SUPT3H: variants seen among roughly 807,000 people sequenced by gnomAD.
The protein encoded by SUPT3H is SPT3 homolog, SAGA and STAGA complex component, also known as transcription initiation protein SPT3 homolog.
A neutral mutation model predicts 44.3 loss-of-function variants in SUPT3H; 44 were observed. That is an observed-to-expected ratio of 0.99 (90% CI 0.78 to 1.28). The LOEUF (loss-of-function observed/expected upper bound fraction) is 1.28. Among genes scored for constraint, SUPT3H ranks in the 50% most tolerant of loss-of-function variants. The probability of loss-of-function intolerance (pLI) is 0.00; values close to 1 mark genes in which losing one functional copy is unlikely to be tolerated. For missense variants in SUPT3H, 380 were observed against 387.1 expected, an observed-to-expected ratio of 0.98 and a Z score of 0.15; for synonymous variants, 124 against 125.6, an observed-to-expected ratio of 0.99 and a Z score of 0.09.
In SUPT3H at chr6:44,900,995, G is replaced by A. The variant is rs150857648; in HGVS notation, c.912+31658C>T. On this transcript the variant is annotated intron_variant, in intron 10 of 10. Coordinates refer to ENST00000371459, the MANE Select transcript of SUPT3H (RefSeq NM_003599.4). ...TAGAAGGAAAACTAACAAACAGAAG[G>A]AACATCCACACCAAAACCCCATCTA... 1.0e-2 allele frequency among the ~76,000 whole-genome samples: 1,516 copies of A among 152,220 alleles called. 11 individuals are homozygous for A. Among genetic ancestry groups the A allele is most frequent in the Non-Finnish European group, 0.016 (1,103 of 68,012 alleles).
chr6:45,160,075 T>C (rs1179262276), intron 2 of SUPT3H, among the ~76,000 whole-genome samples: 7 of 152,198 alleles, frequency 4.6e-5, no homozygotes, highest in East Asian at 1.9e-4. Context: ...GAAGAACTAA[T>C]ATAAAGCATA....
rs565552245 is a variant in SUPT3H at position 45,273,147 on chromosome 6, G to T, written c.101+92054C>A. Among the ~76,000 whole-genome samples, 17 of 152,278 alleles carry T rather than the reference G, an allele frequency of 1.1e-4. 1 individual carries two copies. In the South Asian group the frequency reaches 3.5e-3, roughly 32 times the overall value. On this transcript the variant is annotated intron_variant, in intron 2 of 10. Coordinates refer to ENST00000371459, the MANE Select transcript of SUPT3H (RefSeq NM_003599.4). ...TTGCTCAACTTTAATTTTTCAGTCA[G>T]AATTGTATAAGGTGAACCAATTGAG...
intron 10 of SUPT3H, among the ~76,000 whole-genome samples, chr6:44,868,365 C>T (rs1211542831): frequency 6.6e-6 from 1 of 152,142 alleles, no homozygotes; most frequent in Admixed American, 6.5e-5. Context: ...GTTTTTCTTG[C>T]CCCAATAATT....
chr6:45,080,087 C>T (rs1795583346), intron 3 of SUPT3H, among the ~76,000 whole-genome samples: 1 of 152,052 alleles, frequency 6.6e-6, no homozygotes, highest in Non-Finnish European at 1.5e-5. Flanking sequence ...ATAAGGAGCT[C>T]AAACAATTCA....
chr6:45,043,538 T>A (rs1043783159), intron 3 of SUPT3H, among the ~76,000 whole-genome samples: 1 of 152,192 alleles, frequency 6.6e-6, no homozygotes, highest in Non-Finnish European at 1.5e-5. Context: ...AATCCCTTCA[T>A]GACATAAATT....
chr6:44,983,553 T>TA (rs1779384669), intron 6 of SUPT3H, among the ~76,000 whole-genome samples: 2 of 152,198 alleles, frequency 1.3e-5, no homozygotes, highest in African/African-American at 4.8e-5. Context: ...TCAGGCTTGG[T>TA]ATGCTTATGA....
chr6:45,211,449 T>C (rs976982688), intron 2 of SUPT3H, among the ~76,000 whole-genome samples: 3 of 152,134 alleles, frequency 2.0e-5, no homozygotes, highest in Non-Finnish European at 4.4e-5. Flanking sequence ...TAAAAATCAA[T>C]AAAAATGATT....
chr6:44,955,788 C>T (rs1056103848), intron 7 of SUPT3H, among the ~76,000 whole-genome samples: 21 of 152,032 alleles, frequency 1.4e-4, no homozygotes, highest in Admixed American at 1.0e-3. Context: ...ACACACTGCT[C>T]GGGTGATGGG....
At chr6:44,893,442 T>A (rs1381270420) in intron 10 of SUPT3H, among the ~76,000 whole-genome samples, 1 of 152,060 alleles carries the variant, frequency 6.6e-6, no homozygotes, top group Non-Finnish European at 1.5e-5. Flanking sequence ...GTGTTCTCAT[T>A]GTTCAATTCC....
At chr6:45,281,922 C>A (rs1330219959) in intron 2 of SUPT3H, among the ~76,000 whole-genome samples, 1 of 152,214 alleles carries the variant, frequency 6.6e-6, no homozygotes, top group African/African-American at 2.4e-5. Context: ...ACAACATTTG[C>A]TGCTCACCAA....
chr6:45,328,600 C>T (rs1394278928), intron 2 of SUPT3H: 4 of 1,602,590 alleles, frequency 2.5e-6, no homozygotes, highest in Non-Finnish European at 3.4e-6. Flanking sequence ...AATATAAAGT[C>T]TATGTACTCC....
At chr6:44,833,416 C>A (rs1769230543) in intron 10 of SUPT3H, among the ~76,000 whole-genome samples, 1 of 152,116 alleles carries the variant, frequency 6.6e-6, no homozygotes, top group South Asian at 2.1e-4. Flanking sequence ...CACTAAACTT[C>A]CAGTTTCACA....
rs145376918 is a variant in SUPT3H, at chr6:44,848,320, C to T, written c.913-18463G>A. 5.5e-3 allele frequency among the ~76,000 whole-genome samples: 837 copies of T among 152,198 alleles called. 12 individuals carry two copies. Among genetic ancestry groups the T allele is most frequent in the African/African-American group, 0.018 (764 of 41,512 alleles). On this transcript the variant is annotated intron_variant, in intron 10 of 10. Coordinates refer to ENST00000371459, the MANE Select transcript of SUPT3H (RefSeq NM_003599.4). ...AGGTCTTTTATTGATTTCTCTAGCA[C>T]GGTGACTTTTCTCAACACTGGCTGG... is the stretch of plus-strand genomic sequence containing the variant.
In SUPT3H at chr6:45,302,434, T is replaced by C. The variant is rs1000605188; in HGVS notation, c.101+62767A>G. 2.0e-5 allele frequency among the ~76,000 whole-genome samples: 3 copies of C among 148,704 alleles called. No individual in the cohort carries two copies. The Admixed American group carries it at 2.0e-4, about 10-fold the overall frequency. ...TCCAGGTGCTGTGAATGCCATTAGT[T>C]CCTTTTTATGGCTGAGTAGTATTCC... On this transcript the variant is annotated intron_variant, in intron 2 of 10. Transcript: ENST00000371459.
intron 2 of SUPT3H, among the ~76,000 whole-genome samples, chr6:45,160,537 G>C (rs1273836140): frequency 6.6e-6 from 1 of 151,968 alleles, no homozygotes; most frequent in African/African-American, 2.4e-5. Flanking sequence ...TATTGTTTTA[G>C]CTGGGAAAAA....
intron 2 of SUPT3H, among the ~76,000 whole-genome samples, chr6:45,228,207 AC>A (rs1767286645): frequency 6.6e-6 from 1 of 152,220 alleles, no homozygotes; most frequent in East Asian, 1.9e-4. Flanking sequence ...GCCAAAGGGC[AC>A]CCCAATATCT....
chr6:44,934,164 C>A (rs1012817465), intron 9 of SUPT3H, among the ~76,000 whole-genome samples: 24 of 151,926 alleles, frequency 1.6e-4, no homozygotes, highest in African/African-American at 5.8e-4. Flanking sequence ...ACTCATAATT[C>A]TTTGTAGGGA....
At chr6:44,973,304 C>T (rs1032352386) in intron 6 of SUPT3H, among the ~76,000 whole-genome samples, 5 of 152,178 alleles carry the variant, frequency 3.3e-5, no homozygotes, top group Admixed American at 6.5e-5. Context: ...GGAAAAAATG[C>T]TGCCAGTCTC....
intron 9 of SUPT3H, among the ~76,000 whole-genome samples, chr6:44,951,406 A>G (rs1233526935): frequency 1.3e-5 from 2 of 152,064 alleles, no homozygotes; most frequent in African/African-American, 2.4e-5. Flanking sequence ...TTTGGACTCA[A>G]TTTGGTATAG....
Sources: gnomAD v4.1 joint callset for allele counts (sites outside exome capture counted in the v4.1 genomes callset) on GRCh38, gnomAD v4.1.1 for gene constraint, MANE v1.5 for transcripts, NCBI Gene and HGNC (gene_info 2026-07-23, HGNC 2026-07-21) for gene names.